Variants in AXIN1 observed in about 807,000 individuals in gnomAD.
The protein encoded by AXIN1 is axin 1.
AXIN1 carries 30 observed loss-of-function variants against 76.4 expected under a neutral mutation model. The ratio of observed to expected loss-of-function variants is 0.39; its 90% CI spans 0.29 to 0.53. The LOEUF is 0.53. AXIN1 is among the 20% of genes least tolerant of loss of function. The probability of loss-of-function intolerance (pLI) is 0.66; values close to 1 mark genes in which losing one functional copy is unlikely to be tolerated. For synonymous variants in AXIN1, 545 were observed against 501.4 expected, an observed-to-expected ratio of 1.09 and a Z score of -1.16; for missense variants, 1,140 against 1,198.8, an observed-to-expected ratio of 0.95 and a Z score of 0.72.
chr16:301,434 A>AGCCTT (rs2052869978), intron 5 of AXIN1, among the ~76,000 whole-genome samples: 1 of 152,058 alleles, frequency 6.6e-6, no homozygotes, highest in Non-Finnish European at 1.5e-5. Flanking sequence ...GGGGTGGGGA[A>AGCCTT]GCCTTGAGAG....
intron 4 of AXIN1, 122 bp from the exon 5 acceptor site, chr16:304,563 CTT>C: frequency 1.4e-6 from 2 of 1,446,544 alleles, no homozygotes; most frequent in South Asian, 2.5e-5. Context: ...GAGACAAACT[CTT>C]GCTCTGTCAC....
chr16:288,704 T>G (rs1382664204), intron 10 of AXIN1, among the ~76,000 whole-genome samples: 1 of 152,210 alleles, frequency 6.6e-6, no homozygotes, highest in African/African-American at 2.4e-5. Context: ...TCAGGCCCCC[T>G]CTGCTCACCG....
chr16:327,566 A>G (rs1320542852), intron 2 of AXIN1, among the ~76,000 whole-genome samples: 7 of 152,240 alleles, frequency 4.6e-5, no homozygotes, highest in Admixed American at 1.3e-4. Flanking sequence ...TCAAACAGTG[A>G]CGATAGGGAG....
At chr16:320,985 G>A (rs186742103) in intron 2 of AXIN1, among the ~76,000 whole-genome samples, 81 of 152,070 alleles carry the variant, frequency 5.3e-4, no homozygotes, top group Admixed American at 1.5e-3. Flanking sequence ...TGATCTGCCC[G>A]CCTCGGCCTC....
At chr16:311,553 C>T (rs1355348594) in intron 3 of AXIN1, among the ~76,000 whole-genome samples, 14 of 151,324 alleles carry the variant, frequency 9.3e-5, no homozygotes, top group Admixed American at 5.9e-4. Flanking sequence ...GGGCGGATCA[C>T]GAGGTCAGGA....
At chr16:313,727 C>G (rs773526562) in intron 3 of AXIN1, among the ~76,000 whole-genome samples, 2 of 152,236 alleles carry the variant, frequency 1.3e-5, no homozygotes, top group Non-Finnish European at 2.9e-5. Context: ...AGCCAGTGCC[C>G]TACTGCAACA....
At chr16:288,894 A>G (rs2052469667) in intron 10 of AXIN1, among the ~76,000 whole-genome samples, 1 of 152,226 alleles carries the variant, frequency 6.6e-6, no homozygotes, top group Admixed American at 6.5e-5. Flanking sequence ...GGTTCAGACC[A>G]TCGTCGTCTA....
At position 326,577 on chromosome 16, in the gene AXIN1, T is replaced by A. The variant is rs182851176; in HGVS notation, c.879-11894A>T. Among the ~76,000 whole-genome samples the A allele has an allele frequency of 2.8e-4, 42 of 149,580 alleles. No individual in the cohort carries two copies. In the Middle Eastern group the frequency reaches 0.014, roughly 49 times the overall value. On this transcript the variant is annotated intron_variant, in intron 2 of 10. Transcript: ENST00000262320. The stretch of plus-strand genomic sequence containing the variant: ...TCCTTGCCAACATGGTGAAACCCCA[T>A]CTCTACTAAAAATACAAAAAATTAG...
At chr16:319,643 C>T (rs533837485) in intron 2 of AXIN1, among the ~76,000 whole-genome samples, 1 of 152,318 alleles carries the variant, frequency 6.6e-6, no homozygotes, top group South Asian at 2.1e-4. Flanking sequence ...AGGTGCTCCT[C>T]CTGCCCCAGG....
In AXIN1 at chr16:287,863, C is replaced by G. The variant is rs769738386; in HGVS notation, c.*259G>C. The G allele has an allele frequency of 5.2e-6, 3 of 573,628 alleles. No individual in the cohort carries two copies. The highest frequency in any genetic ancestry group is 9.3e-6 in the Non-Finnish European group (3 of 321,534). The allele number at this position is 573,628 out of a possible 1,614,324, so 35.5% of individuals were successfully genotyped here. Reference sequence around the variant, plus strand: ...CACCTGAAGCTGGCAGCAGGGACCTCGGCTGCCTCACTTGGGCTGGGCCCT... The same window carrying G: ...CACCTGAAGCTGGCAGCAGGGACCTGGGCTGCCTCACTTGGGCTGGGCCCT... On this transcript the variant is annotated 3_prime_UTR_variant, in exon 11 of 11. Transcript: ENST00000262320.
chr16:309,619 G>A (rs552591924), intron 4 of AXIN1, among the ~76,000 whole-genome samples: 1 of 152,344 alleles, frequency 6.6e-6, no homozygotes, highest in African/African-American at 2.4e-5. Flanking sequence ...CTGTGCAGGG[G>A]CCAGGCCTGG....
intron 2 of AXIN1, 91 bp from the exon 3 acceptor site, chr16:314,774 G>A (rs2053262580): frequency 6.4e-7 from 1 of 1,553,538 alleles, no homozygotes; most frequent in Non-Finnish European, 8.7e-7. Flanking sequence ...ATATCTCAAT[G>A]TATTAATTAA....
intron 2 of AXIN1, among the ~76,000 whole-genome samples, chr16:330,640 A>G (rs2053674663): frequency 1.3e-5 from 2 of 152,226 alleles, no homozygotes; most frequent in South Asian, 4.1e-4. Context: ...AACTGCACAA[A>G]TGGCTTCACA....
At position 287,584 on chromosome 16, in the gene AXIN1, C is replaced by T. The variant is rs1172503726; in HGVS notation, c.*538G>A. On this transcript the variant is annotated 3_prime_UTR_variant, in exon 11 of 11. Transcript: ENST00000262320. Reference sequence around the variant, plus strand: ...AAATGTACATATTTACACGGGCCCTCAGAAAGGAGGACCCAGGACTGCACA... The same window carrying T: ...AAATGTACATATTTACACGGGCCCTTAGAAAGGAGGACCCAGGACTGCACA... 3.2e-6 allele frequency: 1 copy of T among 308,592 alleles called. No individual in the cohort carries two copies. The highest frequency in any genetic ancestry group is 6.0e-6 in the Non-Finnish European group (1 of 165,368). The allele number at this position is 308,592 out of a possible 1,614,324, so 19.1% of individuals were successfully genotyped here. A position where few individuals can be genotyped will look rare whatever the true frequency, so the allele number is the denominator to read the frequency against.
At chr16:297,028 C>G (rs777707357) in intron 7 of AXIN1, 28 bp downstream of exon 7, 1 of 1,606,674 alleles carries the variant, frequency 6.2e-7, no homozygotes, top group Non-Finnish European at 8.5e-7. Context: ...GCAGGCCCCA[C>G]GAGGCTGGCT....
intron 5 of AXIN1, chr16:299,046 C>A (rs1198728711): frequency 3.0e-6 from 3 of 983,802 alleles, no homozygotes; most frequent in African/African-American, 1.7e-5. Context: ...GGATGACAGG[C>A]ATGAGCCGCC....
intron 1 of AXIN1, among the ~76,000 whole-genome samples, chr16:351,271 A>C (rs1294173972): frequency 6.6e-6 from 1 of 151,758 alleles, no homozygotes; most frequent in Non-Finnish European, 1.5e-5. Flanking sequence ...CAGAAGTGTG[A>C]GCAAAAACAA....
At chr16:318,597 A>G (rs2053358610) in intron 2 of AXIN1, among the ~76,000 whole-genome samples, 2 of 152,180 alleles carry the variant, frequency 1.3e-5, no homozygotes, top group Non-Finnish European at 1.5e-5. Flanking sequence ...GGGAGGTCAC[A>G]TGGGAGTTCC....
chr16:342,275 G>GAACA (rs2053942149), intron 2 of AXIN1, among the ~76,000 whole-genome samples: 5 of 152,040 alleles, frequency 3.3e-5, no homozygotes, highest in African/African-American at 9.7e-5. Flanking sequence ...ACCTCCGAAC[G>GAACA]TCAGAAGGAA....
Sources: gnomAD v4.1 joint callset for allele counts (sites outside exome capture counted in the v4.1 genomes callset) on GRCh38, gnomAD v4.1.1 for gene constraint, MANE v1.5 for transcripts, NCBI Gene and HGNC (gene_info 2026-07-23, HGNC 2026-07-21) for gene names.